The following RBM44 variants were observed in gnomAD, a reference collection of about 807,000 sequenced individuals.
RBM44 encodes the protein RNA binding motif protein 44, also known as RNA-binding protein 44.
In RBM44, 66 loss-of-function variants were observed where a neutral mutation model predicts 105.1. The ratio of observed to expected loss-of-function variants is 0.63; its 90% CI spans 0.52 to 0.77. RBM44 has a LOEUF of 0.77. RBM44 is among the 30% of genes least tolerant of loss of function. RBM44 has a pLI of 0.00. For missense variants in RBM44, 1,122 were observed against 1,207.8 expected, an observed-to-expected ratio of 0.93 and a Z score of 1.05; for synonymous variants, 365 against 417.6, an observed-to-expected ratio of 0.87 and a Z score of 1.54.
Position 237,834,046 on chromosome 2 carries a change from A to G in RBM44, c.2936A>G (p.Asp979Gly). 1 of 1,573,310 alleles carries G rather than the reference A, an allele frequency of 6.4e-7. No homozygotes were observed. The highest frequency in any genetic ancestry group is 1.3e-5 in the African/African-American group (1 of 74,510). Residue 979 changes from aspartate (D) to glycine (G), a missense_variant, in exon 14 of 16, where the codon GAT (aspartate) becomes GGT (glycine). Asp to Gly is a moderately conservative substitution (Grantham distance 94, BLOSUM62 -1). Around this residue, in one of 3 missense-constraint regions of RBM44, gnomAD observed 194 missense variants for 225.5 expected, o/e 0.86. Transcript: ENST00000316997. ...ATTGAATCTGCTAAATTATTACCTG[A>G]TACACCCGTTCAATTCATACCTCCA... ...KQIESAKLLPDTPVQFIPPNT... is the reference protein window; with the variant it reads ...KQIESAKLLPGTPVQFIPPNT...
intron 8 of RBM44, among the ~76,000 whole-genome samples, chr2:237,823,001 A>G (rs1010545497): frequency 6.6e-6 from 1 of 152,024 alleles, no homozygotes; most frequent in Non-Finnish European, 1.5e-5. Context: ...AATGTAAACA[A>G]TAACTATTAC....
At chr2:237,819,645 CAT>C (rs1424821469) in intron 4 of RBM44, among the ~76,000 whole-genome samples, 32 of 151,886 alleles carry the variant, frequency 2.1e-4, no homozygotes, top group African/African-American at 6.3e-4. Context: ...CTCAAAAAAA[CAT>C]AGTGATTTGG....
rs756871690 is a variant in RBM44, at chr2:237,817,471, A to G, written c.552A>G (p.Ser184=). The G allele has an allele frequency of 1.9e-6, 3 of 1,602,508 alleles. No individual in the cohort carries two copies. Among genetic ancestry groups the G allele is most frequent in the Non-Finnish European group, 2.6e-6 (3 of 1,173,722 alleles). Residue 184 remains serine (S), a synonymous_variant, in exon 3 of 16, where the codon TCA becomes TCG. Transcript: ENST00000316997. ...AAAAGCATGATACAGATGAAGACTCACAGCAGGAATATCACAGTGCAGAAG... is the reference window on the plus strand; with the variant it reads ...AAAAGCATGATACAGATGAAGACTCGCAGCAGGAATATCACAGTGCAGAAG... ...DTQKHDTDED[S]QQEYHSAEEQ...
chr2:237,817,693 A>G lies in RBM44; in HGVS notation c.774A>G (p.Ser258=), dbSNP rs1188460024. 3 of 1,611,904 alleles carry G rather than the reference A, an allele frequency of 1.9e-6. No individual in the cohort carries two copies. The South Asian group carries it at 3.3e-5, about 18-fold the overall frequency. ...DSLDVYGQEE[S]LHVSKFQNSV... ...TTGATGTTTATGGACAAGAAGAGTC[A>G]CTTCATGTCTCCAAATTTCAGAATT... The change falls in exon 3 of 16, where the codon TCA becomes TCG. Residue 258 remains serine (S), a synonymous_variant. Coordinates refer to ENST00000316997, the MANE Select transcript of RBM44 (RefSeq NM_001080504.3).
intron 1 of RBM44, among the ~76,000 whole-genome samples, chr2:237,810,361 C>G (rs1255358148): frequency 6.6e-6 from 1 of 152,212 alleles, no homozygotes; most frequent in African/African-American, 2.4e-5. Flanking sequence ...AACAAATCCT[C>G]TTGGTTTGAA....
chr2:237,835,238 C>T (rs1216498630), intron 15 of RBM44, among the ~76,000 whole-genome samples: 2 of 152,192 alleles, frequency 1.3e-5, no homozygotes, highest in Admixed American at 6.5e-5. Context: ...CCATCTCTTT[C>T]CCTCTCTTTG....
intron 10 of RBM44, 134 bp from the exon 11 acceptor site, chr2:237,827,116 G>A (rs1165121816): frequency 3.3e-6 from 2 of 608,572 alleles, no homozygotes; most frequent in Non-Finnish European, 5.8e-6. Flanking sequence ...TAGAAGTGCT[G>A]ATAGTTGCTG....
At chr2:237,839,384 C>T (rs1324764192) in intron 15 of RBM44, among the ~76,000 whole-genome samples, 1 of 152,116 alleles carries the variant, frequency 6.6e-6, no homozygotes, top group Non-Finnish European at 1.5e-5. Flanking sequence ...AGCGATTCTG[C>T]CTCAGCCTCC....
At chr2:237,839,429 T>A (rs1201332456) in intron 15 of RBM44, among the ~76,000 whole-genome samples, 1 of 151,976 alleles carries the variant, frequency 6.6e-6, no homozygotes, top group African/African-American at 2.4e-5. Context: ...CGCCAACACG[T>A]CCATCTAATT....
Position 237,817,107 on chromosome 2 carries a change from CTAA to C in RBM44, c.195_197del (p.Asn65del), listed in dbSNP as rs1453747144. The C allele has an allele frequency of 8.1e-6, 13 of 1,608,420 alleles. No individual in the cohort carries two copies. The highest frequency in any genetic ancestry group is 1.3e-5 in the African/African-American group (1 of 74,572). On this transcript the variant is annotated inframe_deletion, in exon 3 of 16. Coordinates refer to ENST00000316997, the MANE Select transcript of RBM44 (RefSeq NM_001080504.3). ...AATTCTTCGACACTAGAGCAAAGAG[CTAA>C]TAATAAAGAAATCAGCAATATTGAC...
Position 237,829,132 on chromosome 2 carries a change from G to A in RBM44, c.2601-85G>A, listed in dbSNP as rs1303928003. Reference sequence around the variant, plus strand: ...AAAAGCAGTTACTCTTGTGAAAAACGTATTTGCATCAGTAGTTGCAAAATT... The same window carrying A: ...AAAAGCAGTTACTCTTGTGAAAAACATATTTGCATCAGTAGTTGCAAAATT... On this transcript the variant is annotated intron_variant, in intron 12 of 15. Transcript: ENST00000316997. The A allele has an allele frequency of 1.9e-5, 18 of 938,946 alleles. 1 individual carries two copies. The Admixed American group carries it at 2.6e-4, about 13-fold the overall frequency. 58.2% of individuals were successfully genotyped at this position (938,946 alleles called of 1,614,324 possible). A position where few individuals can be genotyped will look rare whatever the true frequency, so the allele number is the denominator to read the frequency against.
rs772869006 is a variant in RBM44, at chr2:237,818,010, A to C, written c.1091A>C (p.Asp364Ala). The C allele has an allele frequency of 6.2e-7, 1 of 1,613,052 alleles. No individual in the cohort carries two copies. Among genetic ancestry groups the C allele is most frequent in the Non-Finnish European group, 8.5e-7 (1 of 1,179,344 alleles). The change falls in exon 3 of 16, where the codon GAT (aspartate) becomes GCT (alanine). Residue 364 changes from aspartate to alanine, a missense_variant. By Grantham distance (126) the Asp-to-Ala change is moderately radical. Coordinates refer to ENST00000316997, the MANE Select transcript of RBM44 (RefSeq NM_001080504.3). This position sits in a 1 kb window ranked among gnomAD's most constrained non-coding sequence, Gnocchi z 4.6. Reference sequence around the variant, plus strand: ...GAAAATCCTAGCACATTACCACAGGATAAAGCTTTAGAGACATTACTCCAA... The same window carrying C: ...GAAAATCCTAGCACATTACCACAGGCTAAAGCTTTAGAGACATTACTCCAA... ...HLENPSTLPQ[D>A]KALETLLQPC...
In RBM44 at chr2:237,820,264, A is replaced by G; in HGVS notation, c.1826A>G (p.His609Arg). 1 of 1,600,656 alleles carries G rather than the reference A, an allele frequency of 6.2e-7. No homozygotes were observed. ...CAGAGAGCCATAAAAGCAGAGCTGC[A>G]CCTTTTAAATGTTCACTATCAGATG... Reference protein sequence around the residue: ...IMQRAIKAELHLLNVHYQMCR... With the variant: ...IMQRAIKAELRLLNVHYQMCR... The change falls in exon 5 of 16, where the codon CAC (histidine) becomes CGC (arginine). Residue 609 changes from histidine to arginine, a missense_variant. Physicochemically the swap from His to Arg is conservative, Grantham distance 29. Transcript: ENST00000316997.
Position 237,841,336 on chromosome 2 carries a change from G to A in RBM44, c.*23-503G>A, listed in dbSNP as rs776146406. On this transcript the variant is annotated intron_variant, in intron 15 of 15. Coordinates refer to ENST00000316997, the MANE Select transcript of RBM44 (RefSeq NM_001080504.3). This position sits in a 1 kb window ranked among gnomAD's most constrained non-coding sequence, Gnocchi z 4.5. ...GCAGGAACAGAAAACCAAATACCAC[G>A]TGATCTTACTTATAAATGGCAGCTA... Among the ~76,000 whole-genome samples the A allele has an allele frequency of 2.0e-5, 3 of 152,106 alleles. No homozygotes were observed. The highest frequency in any genetic ancestry group is 4.4e-5 in the Non-Finnish European group (3 of 68,020).
chr2:237,805,860 G>T (rs1255365849), intron 1 of RBM44, among the ~76,000 whole-genome samples: 1 of 152,122 alleles, frequency 6.6e-6, no homozygotes, highest in African/African-American at 2.4e-5. Flanking sequence ...AGCTACTCAA[G>T]GGGGTAGGTG....
At chr2:237,829,641 C>A (rs1204866966) in intron 13 of RBM44, 139 bp downstream of exon 13, 3 of 744,474 alleles carry the variant, frequency 4.0e-6, no homozygotes, top group Non-Finnish European at 6.4e-6. Flanking sequence ...AACCTTGAAT[C>A]CACCTCAACC....
chr2:237,825,638 C>T lies in RBM44; in HGVS notation c.2449+1219C>T, dbSNP rs144000794. 9.4e-3 allele frequency among the ~76,000 whole-genome samples: 1,429 copies of T among 152,262 alleles called. 15 individuals carry two copies. The highest frequency in any genetic ancestry group is 0.033 in the African/African-American group (1,355 of 41,556). Reference sequence around the variant, plus strand: ...CATCCTCTCATTAGCTCAGTGAGCTCAGGGATTTTTATGTGTTTTGTTTAC... The same window carrying T: ...CATCCTCTCATTAGCTCAGTGAGCTTAGGGATTTTTATGTGTTTTGTTTAC... On this transcript the variant is annotated intron_variant, in intron 10 of 15. Transcript: ENST00000316997.
chr2:237,800,909 G>GCCAGGCTA (rs1184860511), intron 1 of RBM44, among the ~76,000 whole-genome samples: 17 of 152,046 alleles, frequency 1.1e-4, no homozygotes, highest in Non-Finnish European at 2.2e-4. Flanking sequence ...AGTAGAGACG[G>GCCAGGCTA]GTTTTCACCG....
rs1272165740 is a variant in RBM44 at position 237,829,419 on chromosome 2, GA to G, written c.2805del (p.Glu935AspfsTer56). 1.9e-6 allele frequency: 3 copies of G among 1,613,714 alleles called. No homozygotes were observed. Among genetic ancestry groups the G allele is most frequent in the South Asian group, 2.2e-5 (2 of 91,070 alleles). On this transcript the variant is annotated frameshift_variant, in exon 13 of 16. Transcript: ENST00000316997. LOFTEE classifies it high-confidence loss of function. The stretch of plus-strand genomic sequence containing the variant: ...AAGCACCAACAAACAAATCCACTCA[GA>G]ATTCTCCATTTCTAGATTGCCCAGA... ...EKSTNKQIHSEFSISRLPRTR... is the reference protein window; with the variant it reads ...EKSTNKQIHSXFSISRLPRTR...
Sources: allele counts gnomAD v4.1 joint callset (sites outside exome capture counted in the v4.1 genomes callset), GRCh38; gene constraint gnomAD v4.1.1; regional missense constraint gnomAD v4.1.1; non-coding constraint Gnocchi (gnomAD v3.1); transcripts MANE v1.5; gene names NCBI Gene and HGNC (gene_info 2026-07-23, HGNC 2026-07-21).